Variants in PHF6 observed in about 807,000 individuals in gnomAD.
PHF6 encodes PHD-like zinc finger protein.
In PHF6, 7 loss-of-function variants were observed where a neutral mutation model predicts 34.0. That is an observed-to-expected ratio of 0.21 (90% CI 0.12 to 0.39). The LOEUF (loss-of-function observed/expected upper bound fraction) is 0.39, where lower values mean the gene tolerates loss of function less well. Ranked by LOEUF, PHF6 falls within the 10% of genes least tolerant of loss-of-function variation. The pLI, the probability that PHF6 is intolerant of heterozygous loss-of-function variation, is 1.00. For synonymous variants in PHF6, 89 were observed against 88.4 expected (o/e 1.01, Z -0.04); for missense variants, 128 against 262.8 (o/e 0.49, Z 3.55).
At chrX:134,392,059 G>A (rs1432280917) in intron 3 of PHF6, among the ~76,000 whole-genome samples, 1 of 111,805 alleles carries the variant, frequency 8.9e-6, no homozygotes, top group Non-Finnish European at 1.9e-5. Flanking sequence ...TAGTGAGACT[G>A]TTTCTGTTTC....
rs772291249 is a variant in PHF6 at position 134,384,691 on chromosome X, G to A, written c.240+6585G>A. On this transcript the variant is annotated intron_variant, in intron 3 of 10. Transcript: ENST00000370803. ...TTTTGAGACGGAGTCTTGCTCTGTC[G>A]CCCAGGCTGGAGTACAGTGGCACGA... Among the ~76,000 whole-genome samples, 30 of 106,668 alleles carry A rather than the reference G, an allele frequency of 2.8e-4. 1 individual carries two copies. The highest frequency in any genetic ancestry group is 2.2e-3 in the Admixed American group (22 of 9,895). 92.6% of individuals were successfully genotyped at this position (106,668 alleles called of 115,157 possible). A position where few individuals can be genotyped will look rare whatever the true frequency, so the allele number is the denominator to read the frequency against.
At chrX:134,382,703 A>G (rs1448904887) in intron 3 of PHF6, among the ~76,000 whole-genome samples, 4 of 108,051 alleles carry the variant, frequency 3.7e-5, no homozygotes, top group Admixed American at 3.0e-4. Context: ...CATTGGCTGC[A>G]ATTATAGGCG....
chrX:134,416,226 C>T (rs1250404686), intron 8 of PHF6, among the ~76,000 whole-genome samples: 1 of 111,231 alleles, frequency 9.0e-6, no homozygotes, highest in Admixed American at 9.6e-5. Context: ...TCCCAAAGTG[C>T]TGGGATTACA....
chrX:134,393,088 G>A (rs749158746), intron 3 of PHF6, among the ~76,000 whole-genome samples: 2 of 112,001 alleles, frequency 1.8e-5, no homozygotes, highest in African/African-American at 3.2e-5. Context: ...ATGAGCCACC[G>A]CACTTAGCAA....
intron 3 of PHF6, among the ~76,000 whole-genome samples, chrX:134,382,456 T>C (rs1335696367): frequency 1.8e-5 from 2 of 111,420 alleles, no homozygotes; most frequent in Non-Finnish European, 3.8e-5. Context: ...CTTTTTTGAA[T>C]TTAAGGAGAT....
At chrX:134,380,253 TCTC>T (rs1365789437) in intron 3 of PHF6, among the ~76,000 whole-genome samples, 4 of 107,531 alleles carry the variant, frequency 3.7e-5, no homozygotes, top group Non-Finnish European at 7.7e-5. Flanking sequence ...TTCACACCAT[TCTC>T]CTGCCTCAGC....
At chrX:134,391,683 A>T (rs974485569) in intron 3 of PHF6, among the ~76,000 whole-genome samples, 1 of 111,954 alleles carries the variant, frequency 8.9e-6, no homozygotes, top group African/African-American at 3.2e-5. Context: ...GTGAAGTGGG[A>T]TAATGTTTGA....
At chrX:134,407,203 T>C (rs893889082) in intron 5 of PHF6, among the ~76,000 whole-genome samples, 5 of 112,254 alleles carry the variant, frequency 4.5e-5, no homozygotes, top group Non-Finnish European at 9.4e-5. Flanking sequence ...AGATGACCGT[T>C]ACAACTTTGT....
chrX:134,424,348 T>G (rs1158860109), intron 9 of PHF6, among the ~76,000 whole-genome samples: 1 of 111,532 alleles, frequency 9.0e-6, no homozygotes, highest in Non-Finnish European at 1.9e-5. Flanking sequence ...CACCACTACT[T>G]TAACCAAATG....
rs1014223675 is a variant in PHF6 at position 134,428,660 on chromosome X, C to G, written c.*3000C>G. 1.4e-5 allele frequency: 2 copies of G among 145,909 alleles called. No individual in the cohort carries two copies. Among genetic ancestry groups the G allele is most frequent in the African/African-American group, 6.2e-5 (2 of 32,344 alleles). 12.0% of individuals were successfully genotyped at this position (145,909 alleles called of 1,213,427 possible). ...CATTATGGGTCAAAAATCAAACATTCCTCTCATGTTATGTATATTTTGTTC... is the reference window on the plus strand; with the variant it reads ...CATTATGGGTCAAAAATCAAACATTGCTCTCATGTTATGTATATTTTGTTC... On this transcript the variant is annotated 3_prime_UTR_variant, in exon 11 of 11. Transcript: ENST00000370803.
At chrX:134,411,755 T>C (rs1388569164) in intron 5 of PHF6, among the ~76,000 whole-genome samples, 1 of 111,690 alleles carries the variant, frequency 9.0e-6, no homozygotes, top group Admixed American at 9.5e-5. Flanking sequence ...TTTTTTGAGA[T>C]GGAATCTTGC....
At position 134,427,978 on chromosome X, in the gene PHF6, T is replaced by G. The variant is rs1454858471; in HGVS notation, c.*2318T>G. 6.5e-6 allele frequency: 1 copy of G among 154,429 alleles called. No homozygotes were observed. Among genetic ancestry groups the G allele is most frequent in the Non-Finnish European group, 1.3e-5 (1 of 78,946 alleles). 12.7% of individuals were successfully genotyped at this position (154,429 alleles called of 1,213,427 possible). A position where few individuals can be genotyped will look rare whatever the true frequency, so the allele number is the denominator to read the frequency against. On this transcript the variant is annotated 3_prime_UTR_variant, in exon 11 of 11. Transcript: ENST00000370803. ...AGCAGTGTATTTACTGTACATCTCT[T>G]AAGTCCTTAACTGTAGTTTTAATAA...
rs1320813164 is a variant in PHF6 at position 134,395,365 on chromosome X, C to T, written c.418+1413C>T. 2.7e-5 allele frequency among the ~76,000 whole-genome samples: 3 copies of T among 112,253 alleles called. No homozygotes were observed. In the East Asian group the frequency reaches 8.3e-4, roughly 31 times the overall value. The stretch of plus-strand genomic sequence containing the variant: ...AAAATTATTTAATAGTTTGTTTCTA[C>T]TTAAATTTATATAAAACCAGGTTAG... On this transcript the variant is annotated intron_variant, in intron 5 of 10. Transcript: ENST00000370803.
At chrX:134,374,263 A>T (rs1157745010) in intron 1 of PHF6, among the ~76,000 whole-genome samples, 1 of 112,097 alleles carries the variant, frequency 8.9e-6, no homozygotes, top group Admixed American at 9.4e-5. Context: ...TTTTGTTTTT[A>T]GAAAATCTTT....
At position 134,425,201 on chromosome X, in the gene PHF6, A is replaced by G; in HGVS notation, c.969A>G (p.Lys323=). 8.3e-7 allele frequency: 1 copy of G among 1,210,560 alleles called. No homozygotes were observed. Among genetic ancestry groups the G allele is most frequent in the Non-Finnish European group, 1.1e-6 (1 of 894,484 alleles). The change falls in exon 10 of 11, where the codon AAA becomes AAG. Residue 323 remains lysine (K), a splice_region_variant and synonymous_variant. Transcript: ENST00000370803. ...AGATTTTTGTCTTTCATCATTGTAG[A>G]CTATACTGTAAAAATCATAGTGGAA... ...YIENMSRGIY[K]LYCKNHSGND...
At position 134,427,601 on chromosome X, in the gene PHF6, A is replaced by C. The variant is rs1195363457; in HGVS notation, c.*1941A>C. On this transcript the variant is annotated 3_prime_UTR_variant, in exon 11 of 11. Coordinates refer to ENST00000370803, the MANE Select transcript of PHF6 (RefSeq NM_001015877.2). ...CAGTTGATGAATTTGTTATGTAGTA[A>C]AATGTATGACTTTGTATGGGTTTCT... is the stretch of plus-strand genomic sequence containing the variant. 6.3e-6 allele frequency: 1 copy of C among 158,782 alleles called. No individual in the cohort carries two copies. The highest frequency in any genetic ancestry group is 3.0e-5 in the African/African-American group (1 of 32,907). The allele number at this position is 158,782 out of a possible 1,213,427, so 13.1% of individuals were successfully genotyped here.
chrX:134,413,753 G>A, intron 6 of PHF6, 70 bp from the exon 7 acceptor site: 1 of 1,196,391 alleles, frequency 8.4e-7, no homozygotes, highest in South Asian at 1.8e-5. Context: ...GAAATGTTAA[G>A]TAAGCTTGAA....
chrX:134,417,634 T>G (rs1185761693), intron 9 of PHF6: 1 of 165,948 alleles, frequency 6.0e-6, no homozygotes, highest in Non-Finnish European at 1.1e-5. Context: ...CCGAGGCGGG[T>G]GAATCACCTG....
At chrX:134,375,214 G>T (rs1205139934) in intron 1 of PHF6, among the ~76,000 whole-genome samples, 1 of 111,798 alleles carries the variant, frequency 8.9e-6, no homozygotes. Context: ...TGCACATTGG[G>T]GAAAGTTTTT....
Sources: allele counts gnomAD v4.1 joint callset (sites outside exome capture counted in the v4.1 genomes callset), GRCh38; gene constraint gnomAD v4.1.1; transcripts MANE v1.5; gene names NCBI Gene and HGNC (gene_info 2026-07-23, HGNC 2026-07-21).